The following SI variants were observed in gnomAD, a reference collection of about 807,000 sequenced individuals.
SI encodes the protein sucrase-isomaltase, also known as sucrase-isomaltase, intestinal.
SI carries 235 observed loss-of-function variants against 253.3 expected under a neutral mutation model. That is an observed-to-expected ratio of 0.93 (90% CI 0.83 to 1.03). The LOEUF (loss-of-function observed/expected upper bound fraction) is 1.03, where lower values mean the gene tolerates loss of function less well. Ranked by LOEUF, SI falls within the 50% of genes least tolerant of loss-of-function variation. SI has a pLI of 0.00. For missense variants in SI, 2,442 were observed against 2,211.1 expected, an observed-to-expected ratio of 1.10 and a Z score of -2.09; for synonymous variants, 819 against 712.0, an observed-to-expected ratio of 1.15 and a Z score of -2.39.
Position 164,995,651 on chromosome 3 carries a change from T to C in SI, c.4692+884A>G, listed in dbSNP as rs532268037. Among the ~76,000 whole-genome samples the C allele has an allele frequency of 1.5e-3, 222 of 151,834 alleles. 1 individual carries two copies. Among genetic ancestry groups the C allele is most frequent in the African/African-American group, 5.1e-3 (212 of 41,510 alleles). On this transcript the variant is annotated intron_variant, in intron 40 of 47. Coordinates refer to ENST00000264382, the MANE Select transcript of SI (RefSeq NM_001041.4). ...TGTTGCTCCCATGTGGAATTCTCCATACGTTTATATTGGTTACTGTTCCCC... is the reference window on the plus strand; with the variant it reads ...TGTTGCTCCCATGTGGAATTCTCCACACGTTTATATTGGTTACTGTTCCCC...
In SI at chr3:164,994,516, C is replaced by A. The variant is rs115575497; in HGVS notation, c.4693-111G>T. ...GTAAGACATGATATTAATTGATTGT[C>A]ATGTGCTATGTACTTTCTTCCCAAA... On this transcript the variant is annotated intron_variant, in intron 40 of 47. Coordinates refer to ENST00000264382, the MANE Select transcript of SI (RefSeq NM_001041.4). 2,328 of 1,127,790 alleles carry A rather than the reference C, an allele frequency of 2.1e-3. 34 individuals are homozygous for A. In the African/African-American group the frequency reaches 0.031, roughly 15 times the overall value. The allele number at this position is 1,127,790 out of a possible 1,614,324, so 69.9% of individuals were successfully genotyped here. A position where few individuals can be genotyped will look rare whatever the true frequency, so the allele number is the denominator to read the frequency against.
chr3:164,995,517 C>T (rs958973084), intron 40 of SI, among the ~76,000 whole-genome samples: 1 of 151,754 alleles, frequency 6.6e-6, no homozygotes, highest in African/African-American at 2.4e-5. Flanking sequence ...GTAGAGTTTT[C>T]TATCCTCTAG....
intron 25 of SI, among the ~76,000 whole-genome samples, chr3:165,026,142 AC>A (rs1340440745): frequency 1.3e-5 from 2 of 151,318 alleles, no homozygotes; most frequent in Non-Finnish European, 3.0e-5. Context: ...GTAGAAAAAA[AC>A]ATTCCATGCA....
chr3:165,003,353 G>A (rs1718344912), intron 37 of SI, among the ~76,000 whole-genome samples: 1 of 151,782 alleles, frequency 6.6e-6, no homozygotes, highest in African/African-American at 2.4e-5. Flanking sequence ...TACAGTTTTA[G>A]TTAAAGTAAA....
At chr3:165,079,183 A>C (rs2108124618), upstream of SI, among the ~76,000 whole-genome samples, 1 of 151,794 alleles carries the variant, frequency 6.6e-6, no homozygotes, top group South Asian at 2.1e-4. Flanking sequence ...GTTTAAAAGC[A>C]ATGGATTTGA....
At chr3:164,990,869 GC>G (rs1221047613) in intron 44 of SI, among the ~76,000 whole-genome samples, 17 of 151,450 alleles carry the variant, frequency 1.1e-4, no homozygotes, top group African/African-American at 3.7e-4. Context: ...TGCACGTTGT[GC>G]ACATGTACCC....
intron 25 of SI, among the ~76,000 whole-genome samples, chr3:165,030,243 AT>A (rs371744970): frequency 8.1e-4 from 122 of 151,080 alleles, no homozygotes; most frequent in African/African-American, 2.8e-3. Context: ...AGCCATCATC[AT>A]TTTGTTAAAA....
chr3:165,090,215 A>G, the SI span, among the ~76,000 whole-genome samples: 5 of 151,788 alleles, frequency 3.3e-5, no homozygotes, highest in Admixed American at 3.3e-4. Context: ...GTGAGCATAC[A>G]ATCTGAAGTC....
At position 165,017,595 on chromosome 3, in the gene SI, C is replaced by T; in HGVS notation, c.3712G>A (p.Glu1238Lys). 6.2e-7 allele frequency: 1 copy of T among 1,612,686 alleles called. No homozygotes were observed. The highest frequency in any genetic ancestry group is 2.2e-5 in the East Asian group (1 of 44,774). ...LCRYGYANTS[E>K]VRELYDAMVA... is the part of the protein sequence containing the mutation. ...ATAGCGTCATATAATTCCCGAACCT[C>T]TGAAGTATTTGCATATCCATAACGA... The change falls in exon 31 of 48, where the codon GAG becomes AAG. Residue 1238 changes from glutamate (E) to lysine (K), a missense_variant. Glu to Lys is a moderately conservative substitution (Grantham distance 56). Transcript: ENST00000264382.
At chr3:165,068,338 A>G (rs915423898) in intron 5 of SI, among the ~76,000 whole-genome samples, 4 of 152,238 alleles carry the variant, frequency 2.6e-5, no homozygotes, top group African/African-American at 7.2e-5. Flanking sequence ...TTATATTTGC[A>G]TAAACAATTT....
chr3:165,013,193 C>T, intron 33 of SI, 151 bp from the exon 34 acceptor site: 1 of 688,564 alleles, frequency 1.5e-6, no homozygotes, highest in Non-Finnish European at 2.7e-6. Flanking sequence ...ATTATTGACA[C>T]ACATACCATT....
At chr3:165,011,579 C>T (rs1481640073) in intron 34 of SI, among the ~76,000 whole-genome samples, 1 of 151,920 alleles carries the variant, frequency 6.6e-6, no homozygotes, top group South Asian at 2.1e-4. Flanking sequence ...GTATATATGG[C>T]TGCTTTTGGG....
intron 26 of SI, among the ~76,000 whole-genome samples, chr3:165,022,772 C>G (rs539922961): frequency 6.6e-6 from 1 of 151,726 alleles, no homozygotes; most frequent in South Asian, 2.1e-4. Flanking sequence ...TTCAGACAAA[C>G]TTAAAAGTTA....
intron 45 of SI, among the ~76,000 whole-genome samples, chr3:164,986,188 G>C (rs914358966): frequency 6.6e-6 from 1 of 152,092 alleles, no homozygotes; most frequent in African/African-American, 2.4e-5. Flanking sequence ...GGTCCCAGAA[G>C]CAACACTGGA....
At chr3:165,052,672 A>T (rs1312323775) in intron 13 of SI, among the ~76,000 whole-genome samples, 3 of 152,088 alleles carry the variant, frequency 2.0e-5, no homozygotes, top group Non-Finnish European at 4.4e-5. Context: ...ACAAAAAAAA[A>T]TCGTCAACTT....
At position 165,019,613 on chromosome 3, in the gene SI, G is replaced by A. The variant is rs753458001; in HGVS notation, c.3412C>T (p.Gln1138Ter). The A allele has an allele frequency of 6.2e-7, 1 of 1,612,236 alleles. No individual in the cohort carries two copies. The highest frequency in any genetic ancestry group is 1.7e-5 in the Admixed American group (1 of 59,790). ...ATGTTGGTACCTACACCAGGGGGTT[G>A]GTCTCTTGTGAACATTCCCCAAGTA... is the stretch of plus-strand genomic sequence containing the variant. ...WNTWGMFTRDQPPGYKLNSYG... is the reference protein window; with the variant it reads ...WNTWGMFTRD The change falls in exon 28 of 48, where the codon CAA becomes TAA. Residue 1138 changes from glutamine to a stop codon, truncating the protein, a stop_gained. Transcript: ENST00000264382. LOFTEE classifies it high-confidence loss of function.
chr3:165,090,158 AAAGAG>A, the SI span, among the ~76,000 whole-genome samples: 1 of 103,502 alleles, frequency 9.7e-6, no homozygotes, highest in Non-Finnish European at 2.1e-5. Context: ...TTAAAAAAAA[AAAGAG>A]AGAGAGAGAG....
At position 165,039,102 on chromosome 3, in the gene SI, A is replaced by C. The variant is rs750376498; in HGVS notation, c.2277T>G (p.Asp759Glu). The C allele has an allele frequency of 1.3e-6, 2 of 1,595,360 alleles. No homozygotes were observed. Among genetic ancestry groups the C allele is most frequent in the Admixed American group, 3.3e-5 (2 of 59,792 alleles). ...GADTVSAYIP[D>E]AIWYDYESGA... ...CAGATTCATAATCATACCAAATAGC[A>C]TCAGGGATGTAGGCACTCACAGTAT... The change falls in exon 20 of 48, where the codon GAT (aspartate) becomes GAG (glutamate). Residue 759 changes from aspartate (D) to glutamate (E), a missense_variant. Coordinates refer to ENST00000264382, the MANE Select transcript of SI (RefSeq NM_001041.4).
chr3:164,990,735 C>T (rs548322228), intron 44 of SI, among the ~76,000 whole-genome samples: 39 of 151,844 alleles, frequency 2.6e-4, no homozygotes, highest in African/African-American at 7.7e-4. Flanking sequence ...CATCACACAC[C>T]GGGGCCTGTT....
Sources: gnomAD v4.1 joint callset for allele counts (sites outside exome capture counted in the v4.1 genomes callset) on GRCh38, gnomAD v4.1.1 for gene constraint, MANE v1.5 for transcripts, NCBI Gene and HGNC (gene_info 2026-07-23, HGNC 2026-07-21) for gene names.